The following ARHGAP15 variants were observed in gnomAD, a reference collection of about 807,000 sequenced individuals.
ARHGAP15 encodes the protein Rho GTPase activating protein 15, also known as rho GTPase-activating protein 15.
In ARHGAP15, 51 loss-of-function variants were observed where a neutral mutation model predicts 63.7. The ratio of observed to expected loss-of-function variants is 0.80; its 90% CI spans 0.64 to 1.01. ARHGAP15 has a LOEUF of 1.01. Among genes scored for constraint, ARHGAP15 ranks in the 50% least tolerant of loss-of-function variants. The pLI is 0.00. For synonymous variants in ARHGAP15, 191 were observed against 193.8 expected, an observed-to-expected ratio of 0.99 and a Z score of 0.12; for missense variants, 560 against 564.6, an observed-to-expected ratio of 0.99 and a Z score of 0.08.
At chr2:143,629,871 T>C (rs1698995086) in intron 12 of ARHGAP15, among the ~76,000 whole-genome samples, 1 of 152,170 alleles carries the variant, frequency 6.6e-6, no homozygotes, top group Non-Finnish European at 1.5e-5. Flanking sequence ...GTTAGGCACT[T>C]AGTAAGCTAT....
At chr2:143,445,150 A>ATTTTTTTTT (rs1347400449) in intron 8 of ARHGAP15, among the ~76,000 whole-genome samples, 1 of 71,336 alleles carries the variant, frequency 1.4e-5, no homozygotes, top group African/African-American at 5.9e-5. Context: ...ATTAAGAACA[A>ATTTTTTTTT]TTATTTTTTT....
intron 13 of ARHGAP15, among the ~76,000 whole-genome samples, chr2:143,745,529 G>A (rs959817211): frequency 6.6e-6 from 1 of 152,058 alleles, no homozygotes; most frequent in Non-Finnish European, 1.5e-5. Flanking sequence ...TAAAAATCTT[G>A]TTTCTGCCTT....
At chr2:143,601,285 C>A (rs1428426186) in intron 11 of ARHGAP15, among the ~76,000 whole-genome samples, 1 of 152,082 alleles carries the variant, frequency 6.6e-6, no homozygotes, top group African/African-American at 2.4e-5. Context: ...GATGTCTCTT[C>A]AAAATCTTTA....
intron 6 of ARHGAP15, among the ~76,000 whole-genome samples, chr2:143,298,240 C>G (rs1050996353): frequency 2.6e-5 from 4 of 151,906 alleles, no homozygotes; most frequent in African/African-American, 9.7e-5. Flanking sequence ...ATTAGTACTT[C>G]AATCCACACT....
intron 2 of ARHGAP15, among the ~76,000 whole-genome samples, chr2:143,171,378 T>A (rs974318945): frequency 2.0e-5 from 3 of 152,010 alleles, no homozygotes; most frequent in African/African-American, 4.8e-5. Flanking sequence ...TCTTTCTATA[T>A]CCATTTAGAG....
At chr2:143,291,757 G>A (rs536939070) in intron 6 of ARHGAP15, among the ~76,000 whole-genome samples, 1 of 152,152 alleles carries the variant, frequency 6.6e-6, no homozygotes, top group Non-Finnish European at 1.5e-5. Flanking sequence ...AACTGATGAG[G>A]TTTGAACCTT....
At chr2:143,496,502 T>C (rs1281029002) in intron 9 of ARHGAP15, among the ~76,000 whole-genome samples, 1 of 152,214 alleles carries the variant, frequency 6.6e-6, no homozygotes, top group Non-Finnish European at 1.5e-5. Flanking sequence ...GATCTTTTTA[T>C]ACAGATGTTA....
intron 2 of ARHGAP15, among the ~76,000 whole-genome samples, chr2:143,195,759 T>C (rs945636792): frequency 2.5e-4 from 38 of 152,164 alleles, no homozygotes; most frequent in Non-Finnish European, 1.9e-4. Flanking sequence ...TTTCTTCAAG[T>C]GATTTTATTT....
At chr2:143,421,702 A>C (rs10181269) in intron 6 of ARHGAP15, among the ~76,000 whole-genome samples, 137,134 of 150,854 alleles carry the variant, frequency 0.91, 62,461 homozygotes, top group Middle Eastern at 0.97. Context: ...AGGTATTATT[A>C]AATAAAACTT....
chr2:143,153,861 C>CTCT (rs1689964650), intron 1 of ARHGAP15, among the ~76,000 whole-genome samples: 1 of 81,632 alleles, frequency 1.2e-5, no homozygotes, highest in African/African-American at 3.4e-5. Flanking sequence ...CCTCCTCCTC[C>CTCT]TCCTCCTCCT....
At chr2:143,458,850 G>C (rs1483539493) in intron 8 of ARHGAP15, among the ~76,000 whole-genome samples, 1 of 152,156 alleles carries the variant, frequency 6.6e-6, no homozygotes, top group Non-Finnish European at 1.5e-5. Flanking sequence ...ATTGTGATCA[G>C]CTTGAGGTAA....
At chr2:143,395,511 A>G (rs547700693) in intron 6 of ARHGAP15, among the ~76,000 whole-genome samples, 22 of 152,316 alleles carry the variant, frequency 1.4e-4, no homozygotes, top group African/African-American at 5.3e-4. Context: ...GAACACACAC[A>G]TAGTTACCTA....
At chr2:143,567,737 C>T (rs1696287678) in intron 11 of ARHGAP15, among the ~76,000 whole-genome samples, 1 of 152,152 alleles carries the variant, frequency 6.6e-6, no homozygotes, top group Non-Finnish European at 1.5e-5. Flanking sequence ...ATAGTGTAAT[C>T]CCTTTCAGTG....
intron 1 of ARHGAP15, among the ~76,000 whole-genome samples, chr2:143,150,952 A>G (rs113245450): frequency 3.7e-3 from 560 of 152,198 alleles, no homozygotes; most frequent in African/African-American, 0.013. Flanking sequence ...ATAAGCAAAT[A>G]TTATTGATTT....
intron 12 of ARHGAP15, among the ~76,000 whole-genome samples, chr2:143,689,189 A>G (rs572417471): frequency 9.2e-5 from 14 of 152,186 alleles, no homozygotes; most frequent in African/African-American, 3.4e-4. Flanking sequence ...ATTTTTCTGG[A>G]GTAACAATTT....
chr2:143,478,403 C>A (rs532049312), intron 8 of ARHGAP15, among the ~76,000 whole-genome samples: 2 of 152,120 alleles, frequency 1.3e-5, no homozygotes, highest in Non-Finnish European at 2.9e-5. Flanking sequence ...CCTTAGGTTG[C>A]AAGTACTTGA....
chr2:143,322,013 C>T (rs546992446), intron 6 of ARHGAP15, among the ~76,000 whole-genome samples: 233 of 152,348 alleles, frequency 1.5e-3, no homozygotes, highest in African/African-American at 5.5e-3. Flanking sequence ...AATAATCACT[C>T]TATCTAGATG....
intron 6 of ARHGAP15, among the ~76,000 whole-genome samples, chr2:143,332,602 G>T (rs1447929926): frequency 2.0e-5 from 3 of 152,040 alleles, no homozygotes; most frequent in African/African-American, 7.2e-5. Flanking sequence ...ATATCAAAGT[G>T]CTTCAAGTGG....
At chr2:143,749,818 A>G (rs1321609927) in intron 13 of ARHGAP15, among the ~76,000 whole-genome samples, 1 of 152,212 alleles carries the variant, frequency 6.6e-6, no homozygotes, top group Non-Finnish European at 1.5e-5. Context: ...AGCACTCAGC[A>G]TGGATAATAG....
Sources: allele counts gnomAD v4.1 joint callset (sites outside exome capture counted in the v4.1 genomes callset), GRCh38; gene constraint gnomAD v4.1.1; transcripts MANE v1.5; gene names NCBI Gene and HGNC (gene_info 2026-07-23, HGNC 2026-07-21).